Variants in PHACTR4 observed in about 807,000 individuals in gnomAD.
The protein encoded by PHACTR4 is protein phosphatase 1, regulatory subunit 124.
In PHACTR4, 51 loss-of-function variants were observed where a neutral mutation model predicts 72.7. The observed-to-expected ratio is 0.70, with a 90% CI of 0.56 to 0.89. The LOEUF is 0.89. Among genes scored for constraint, PHACTR4 ranks in the 40% least tolerant of loss-of-function variants. The pLI is 0.00. For missense variants in PHACTR4, 731 were observed against 861.8 expected (o/e 0.85, Z 1.90); for synonymous variants, 255 against 302.5 (o/e 0.84, Z 1.63).
intron 2 of PHACTR4, among the ~76,000 whole-genome samples, chr1:28,456,938 G>C (rs2124461321): frequency 7.2e-6 from 1 of 139,124 alleles, no homozygotes; most frequent in South Asian, 2.1e-4. Context: ...TAGATAGATA[G>C]ATAGATAGAT....
intron 2 of PHACTR4, among the ~76,000 whole-genome samples, chr1:28,451,167 C>T (rs1332032259): frequency 6.6e-6 from 1 of 151,660 alleles, no homozygotes; most frequent in Non-Finnish European, 1.5e-5. Context: ...GTTGCCCAGG[C>T]TGGTCTTGAA....
At chr1:28,456,451 A>G (rs1422164192) in intron 2 of PHACTR4, among the ~76,000 whole-genome samples, 1 of 152,090 alleles carries the variant, frequency 6.6e-6, no homozygotes, top group African/African-American at 2.4e-5. Flanking sequence ...TTACAATTCA[A>G]CCTGAGATTT....
chr1:28,446,011 A>ATAG (rs1557819622), intron 2 of PHACTR4, among the ~76,000 whole-genome samples: 56 of 152,052 alleles, frequency 3.7e-4, no homozygotes, highest in African/African-American at 1.3e-3. Flanking sequence ...TGGAGTAAAT[A>ATAG]ATAGGTTAAT....
intron 2 of PHACTR4, among the ~76,000 whole-genome samples, chr1:28,440,030 G>T (rs867620044): frequency 6.6e-6 from 1 of 152,070 alleles, no homozygotes; most frequent in East Asian, 1.9e-4. Context: ...GGCCGGGCGC[G>T]GTGGCTCACG....
intron 2 of PHACTR4, among the ~76,000 whole-genome samples, chr1:28,458,664 C>G (rs1658581936): frequency 6.6e-6 from 1 of 152,110 alleles, no homozygotes; most frequent in Non-Finnish European, 1.5e-5. Context: ...TCTCCCTGAA[C>G]TATTTATATC....
intron 1 of PHACTR4, among the ~76,000 whole-genome samples, chr1:28,381,674 A>G (rs1293423431): frequency 6.6e-6 from 1 of 151,918 alleles, no homozygotes; most frequent in Non-Finnish European, 1.5e-5. Context: ...TTCGATTGGC[A>G]TTTCTCTAAT....
rs574268115 is a variant in PHACTR4 at position 28,405,273 on chromosome 1, G to C, written c.-38-2137G>C. On this transcript the variant is annotated intron_variant, in intron 1 of 13. Coordinates refer to ENST00000373839, the MANE Select transcript of PHACTR4 (RefSeq NM_001048183.3). ...TTGCAAAAATTTTCTCCCATTCTGT[G>C]GGTTGCCTTATCACTTTTTTGATGG... Among the ~76,000 whole-genome samples the C allele has an allele frequency of 7.2e-5, 11 of 152,098 alleles. 1 individual carries two copies. The highest frequency in any genetic ancestry group is 1.3e-4 in the Non-Finnish European group (9 of 67,982).
At chr1:28,436,384 A>C (rs1293736794) in intron 2 of PHACTR4, among the ~76,000 whole-genome samples, 1 of 152,038 alleles carries the variant, frequency 6.6e-6, no homozygotes, top group African/African-American at 2.4e-5. Context: ...CTACAGGTGC[A>C]CGCCACTCCA....
intron 2 of PHACTR4, among the ~76,000 whole-genome samples, chr1:28,439,063 C>T (rs916059523): frequency 2.6e-5 from 4 of 152,110 alleles, no homozygotes; most frequent in Non-Finnish European, 5.9e-5. Flanking sequence ...AAATGGTAGT[C>T]ACTTGTCACT....
chr1:28,462,953 C>T (rs1356820765), intron 4 of PHACTR4, among the ~76,000 whole-genome samples: 1 of 152,174 alleles, frequency 6.6e-6, no homozygotes, highest in African/African-American at 2.4e-5. Context: ...AATCCCAGCA[C>T]TTTGGGAGGC....
At chr1:28,377,383 C>T (rs1421473319) in intron 1 of PHACTR4, among the ~76,000 whole-genome samples, 1 of 151,468 alleles carries the variant, frequency 6.6e-6, no homozygotes, top group Non-Finnish European at 1.5e-5. Context: ...GGGTTACAGG[C>T]GTGCACCACT....
chr1:28,419,665 G>T (rs1344110340), intron 2 of PHACTR4, among the ~76,000 whole-genome samples: 2 of 152,130 alleles, frequency 1.3e-5, no homozygotes, highest in South Asian at 2.1e-4. Flanking sequence ...GAACGAAAAT[G>T]ATATGCTTGC....
At chr1:28,389,141 T>C (rs371708157) in intron 1 of PHACTR4, among the ~76,000 whole-genome samples, 10 of 125,738 alleles carry the variant, frequency 8.0e-5, no homozygotes, top group African/African-American at 3.8e-4. Context: ...GGAAAAGTTA[T>C]GAGGAACTCA....
At chr1:28,407,248 C>CAA (rs78873359) in intron 1 of PHACTR4, among the ~76,000 whole-genome samples, 162 bp from the exon 2 acceptor site, 13 of 76,494 alleles carry the variant, frequency 1.7e-4, no homozygotes, top group Admixed American at 3.1e-4. Flanking sequence ...GATCCTGTCT[C>CAA]AAAAAAAAAA....
At chr1:28,400,924 T>G (rs1418013886) in intron 1 of PHACTR4, among the ~76,000 whole-genome samples, 1 of 152,150 alleles carries the variant, frequency 6.6e-6, no homozygotes, top group Non-Finnish European at 1.5e-5. Flanking sequence ...AAATATGTGA[T>G]AGTGGTGCAG....
At chr1:28,384,353 C>T in intron 1 of PHACTR4, among the ~76,000 whole-genome samples, 1 of 152,052 alleles carries the variant, frequency 6.6e-6, no homozygotes, top group East Asian at 1.9e-4. Flanking sequence ...CGTTATTGGT[C>T]TGTTCAGGGA....
At chr1:28,460,073 T>C (rs1658683339) in intron 3 of PHACTR4, 139 bp from the exon 4 acceptor site, 1 of 510,162 alleles carries the variant, frequency 2.0e-6, no homozygotes, top group Admixed American at 3.9e-5. Context: ...TAATTTGAAG[T>C]TAGTCTGCTA....
In PHACTR4 at chr1:28,473,715, T is replaced by C. The variant is rs1159050824; in HGVS notation, c.985T>C (p.Ser329Pro). The C allele has an allele frequency of 6.2e-7, 1 of 1,613,970 alleles. No individual in the cohort carries two copies. The highest frequency in any genetic ancestry group is 8.5e-7 in the Non-Finnish European group (1 of 1,180,030). The change falls in exon 7 of 14, where the codon TCT becomes CCT. Residue 329 changes from serine to proline, a missense_variant. By Grantham distance (74) the Ser-to-Pro change is moderately conservative (BLOSUM62 -1). Around this residue, in one of 2 missense-constraint regions of PHACTR4, gnomAD observed 621 missense variants for 676.6 expected, o/e 0.92. Coordinates refer to ENST00000373839, the MANE Select transcript of PHACTR4 (RefSeq NM_001048183.3). ...PSDEREKSTC[S>P]MGSELLPMIS... ...TGATGAAAGAGAGAAGAGCACGTGT[T>C]CTATGGGCTCGGAACTACTACCAAT... is the stretch of plus-strand genomic sequence containing the variant.
intron 2 of PHACTR4, among the ~76,000 whole-genome samples, chr1:28,450,478 T>C (rs184976718): frequency 4.1e-4 from 63 of 152,324 alleles, no homozygotes; most frequent in African/African-American, 1.4e-3. Context: ...ATGTGCAGAA[T>C]TGGCGTATGA....
Sources: gnomAD v4.1 joint callset for allele counts (sites outside exome capture counted in the v4.1 genomes callset) on GRCh38, gnomAD v4.1.1 for gene constraint, gnomAD v4.1.1 regional missense constraint, MANE v1.5 for transcripts, NCBI Gene and HGNC (gene_info 2026-07-23, HGNC 2026-07-21) for gene names.